Variants in PLEKHM2 observed in about 807,000 individuals in gnomAD.
The protein encoded by PLEKHM2 is pleckstrin homology domain-containing family M member 2.
A neutral mutation model predicts 116.3 loss-of-function variants in PLEKHM2; 77 were observed. The observed-to-expected ratio is 0.66, with a 90% confidence interval of 0.55 to 0.80. The LOEUF (loss-of-function observed/expected upper bound fraction) is 0.80. Ranked by LOEUF, PLEKHM2 falls within the 30% of genes least tolerant of loss-of-function variation. PLEKHM2 has a pLI of 0.00. For synonymous variants in PLEKHM2, 562 were observed against 571.0 expected (o/e 0.98, Z 0.22); for missense variants, 1,183 against 1,354.9 (o/e 0.87, Z 1.99).
chr1:15,698,566 T>TTTTTTTTC (rs1641049041), intron 1 of PLEKHM2, among the ~76,000 whole-genome samples: 1 of 135,552 alleles, frequency 7.4e-6, no homozygotes, highest in African/African-American at 2.9e-5. Context: ...TTTTTTTTTT[T>TTTTTTTTC]TGACATAGTC....
intron 8 of PLEKHM2, chr1:15,725,938 T>A (rs2068058825): frequency 4.9e-6 from 1 of 204,196 alleles, no homozygotes; most frequent in African/African-American, 2.3e-5. Flanking sequence ...GCTGATCCCA[T>A]TCCTGAGGAT....
intron 4 of PLEKHM2, among the ~76,000 whole-genome samples, 185 bp from the exon 5 acceptor site, chr1:15,718,353 A>G (rs1641487729): frequency 2.0e-5 from 3 of 152,250 alleles, no homozygotes; most frequent in South Asian, 4.1e-4. Context: ...AGGACAGTGC[A>G]GTGTGGCTGC....
rs865830787 is a variant in PLEKHM2, at chr1:15,727,971, T to C, written c.1761-108T>C. 27 of 1,191,946 alleles carry C rather than the reference T, an allele frequency of 2.3e-5. 1 individual carries two copies. In the South Asian group the frequency reaches 3.4e-4, roughly 15 times the overall value. The allele number at this position is 1,191,946 out of a possible 1,614,324, so 73.8% of individuals were successfully genotyped here. On this transcript the variant is annotated intron_variant, in intron 9 of 19. Coordinates refer to ENST00000375799, the MANE Select transcript of PLEKHM2 (RefSeq NM_015164.4). This position sits in a 1 kb window ranked among gnomAD's most constrained non-coding sequence, Gnocchi z 7.5. ...GGGTGTGAGCCTCCCTCCCTAACTTTGGCTCCTAGTGGGAGGCGGAGGCAC... is the reference window on the plus strand; with the variant it reads ...GGGTGTGAGCCTCCCTCCCTAACTTCGGCTCCTAGTGGGAGGCGGAGGCAC...
At chr1:15,718,735 T>C (rs1641499270) in intron 5 of PLEKHM2, 110 bp downstream of exon 5, 1 of 704,150 alleles carries the variant, frequency 1.4e-6, no homozygotes, top group Admixed American at 2.2e-5. Context: ...GCTTGTTGAG[T>C]ATGACTGGGC....
rs773582647 is a variant in PLEKHM2 at position 15,729,144 on chromosome 1, C to T, written c.2029C>T (p.Arg677Cys). 2.7e-5 allele frequency: 44 copies of T among 1,611,918 alleles called. No homozygotes were observed. The highest frequency in any genetic ancestry group is 1.9e-4 in the South Asian group (17 of 90,566). Residue 677 changes from arginine to cysteine, a missense_variant, in exon 13 of 20, where the codon CGC (arginine) becomes TGC (cysteine). Physicochemically the swap from Arg to Cys is radical, Grantham distance 180. Coordinates refer to ENST00000375799, the MANE Select transcript of PLEKHM2 (RefSeq NM_015164.4). This position sits in a 1 kb window ranked among gnomAD's most constrained non-coding sequence, Gnocchi z 4.7. Reference protein sequence around the residue: ...QQTVKLVCTNRRKQFLLDTAD... With the variant: ...QQTVKLVCTNCRKQFLLDTAD... The stretch of plus-strand genomic sequence containing the variant: ...GACGGTGAAGCTGGTGTGCACCAAC[C>T]GCAGGAAGCAGTTTCTGCTGGACAC...
Position 15,719,990 on chromosome 1 carries a change from G to A in PLEKHM2, c.652+70G>A. On this transcript the variant is annotated intron_variant, in intron 6 of 19. Transcript: ENST00000375799. This position sits in a 1 kb window ranked among gnomAD's most constrained non-coding sequence, Gnocchi z 4.1. ...AGACTTGAACTGCTTAAGCCTGGCT[G>A]GGTGATGTCTTCCTTGGCTAGTTTT... is the stretch of plus-strand genomic sequence containing the variant. 7.8e-7 allele frequency: 1 copy of A among 1,288,730 alleles called. No individual in the cohort carries two copies. Among genetic ancestry groups the A allele is most frequent in the Non-Finnish European group, 1.1e-6 (1 of 935,248 alleles). 79.8% of individuals were successfully genotyped at this position (1,288,730 alleles called of 1,614,324 possible).
chr1:15,687,015 T>C (rs1188352841), intron 1 of PLEKHM2, among the ~76,000 whole-genome samples: 1 of 152,092 alleles, frequency 6.6e-6, no homozygotes, highest in Non-Finnish European at 1.5e-5. Context: ...CTTGAACTCC[T>C]GACCTCAAGT....
Position 15,728,475 on chromosome 1 carries a change from G to T in PLEKHM2, c.1921+118G>T. ...GCTGCCTGGCATGCAGTGATGGAAA[G>T]GCACCCCAAGGAAGGTGTTGCCAGC... On this transcript the variant is annotated intron_variant, in intron 11 of 19. Transcript: ENST00000375799. The surrounding 1 kb of genome is among the most constrained non-coding windows in gnomAD (Gnocchi z 5.9). The T allele has an allele frequency of 1.9e-6, 2 of 1,042,906 alleles. No homozygotes were observed. The highest frequency in any genetic ancestry group is 1.5e-5 in the South Asian group (1 of 65,074). The allele number at this position is 1,042,906 out of a possible 1,614,324, so 64.6% of individuals were successfully genotyped here. A position where few individuals can be genotyped will look rare whatever the true frequency, so the allele number is the denominator to read the frequency against.
At position 15,719,366 on chromosome 1, in the gene PLEKHM2, C is replaced by T. The variant is rs867813424; in HGVS notation, c.466-368C>T. Among the ~76,000 whole-genome samples, 3 of 152,060 alleles carry T rather than the reference C, an allele frequency of 2.0e-5. No individual in the cohort carries two copies. Among genetic ancestry groups the T allele is most frequent in the African/African-American group, 7.2e-5 (3 of 41,478 alleles). The stretch of plus-strand genomic sequence containing the variant: ...ACTTGGGAGGCTGAGGCAGGAGAAT[C>T]GCTCGAACCCGGGAGGTGGAAGTTG... On this transcript the variant is annotated intron_variant, in intron 5 of 19. Coordinates refer to ENST00000375799, the MANE Select transcript of PLEKHM2 (RefSeq NM_015164.4). The surrounding 1 kb of genome is among the most constrained non-coding windows in gnomAD (Gnocchi z 4.1).
At chr1:15,702,007 A>G (rs1221430715) in intron 1 of PLEKHM2, among the ~76,000 whole-genome samples, 1 of 152,198 alleles carries the variant, frequency 6.6e-6, no homozygotes, top group Non-Finnish European at 1.5e-5. Flanking sequence ...TTGCAACCAC[A>G]TGGCCCTTCT....
At position 15,719,811 on chromosome 1, in the gene PLEKHM2, C is replaced by T. The variant is rs2067964942; in HGVS notation, c.543C>T (p.Arg181=). The part of the protein sequence containing the change: ...KPQYLLDFED[R]LPSSVHGSDS... ...AGTACCTGCTGGACTTTGAAGACCG[C>T]CTTCCCAGCTCGGTCCACGGCTCAG... Residue 181 remains arginine, a synonymous_variant, in exon 6 of 20, where the codon CGC becomes CGT. Transcript: ENST00000375799. The surrounding 1 kb of genome is among the most constrained non-coding windows in gnomAD (Gnocchi z 4.1). The T allele has an allele frequency of 1.2e-6, 2 of 1,613,790 alleles. No homozygotes were observed. The highest frequency in any genetic ancestry group is 8.5e-7 in the Non-Finnish European group (1 of 1,179,744).
intron 1 of PLEKHM2, among the ~76,000 whole-genome samples, chr1:15,710,039 G>A (rs1421244243): frequency 2.0e-5 from 3 of 151,682 alleles, no homozygotes; most frequent in Non-Finnish European, 2.9e-5. Context: ...CCTGGCTAAC[G>A]TGGTGAAACC....
chr1:15,710,381 G>A (rs1641308340), intron 1 of PLEKHM2, among the ~76,000 whole-genome samples: 1 of 151,922 alleles, frequency 6.6e-6, no homozygotes, highest in South Asian at 2.1e-4. Flanking sequence ...AGGTTGGAGT[G>A]CAGTGGCATG....
At chr1:15,688,234 C>G (rs531238581) in intron 1 of PLEKHM2, among the ~76,000 whole-genome samples, 2 of 152,300 alleles carry the variant, frequency 1.3e-5, no homozygotes, top group Non-Finnish European at 2.9e-5. Context: ...CATTATAACA[C>G]CAGACAGGTG....
chr1:15,702,473 T>G (rs2148342607), intron 1 of PLEKHM2, among the ~76,000 whole-genome samples: 1 of 152,082 alleles, frequency 6.6e-6, no homozygotes, highest in East Asian at 1.9e-4. Flanking sequence ...TGGAGTGCAG[T>G]GGCACAATCT....
chr1:15,731,868 C>T (rs944684208), intron 16 of PLEKHM2, 21 bp from the exon 17 acceptor site: 2 of 1,603,486 alleles, frequency 1.2e-6, no homozygotes, highest in Non-Finnish European at 1.7e-6. Flanking sequence ...GCTCCCGTTT[C>T]ACCCTCCTCC....
At chr1:15,710,938 G>T (rs1204073003) in intron 1 of PLEKHM2, among the ~76,000 whole-genome samples, 1 of 152,104 alleles carries the variant, frequency 6.6e-6, no homozygotes, top group Non-Finnish European at 1.5e-5. Context: ...ACTTTGGGAG[G>T]CCAAGGCAAG....
intron 16 of PLEKHM2, among the ~76,000 whole-genome samples, 198 bp from the exon 17 acceptor site, chr1:15,731,691 A>C (rs1171190840): frequency 6.6e-6 from 1 of 152,104 alleles, no homozygotes; most frequent in Non-Finnish European, 1.5e-5. Flanking sequence ...GGTGAAAGGC[A>C]TCGCACAGCA....
At chr1:15,723,397 A>G (rs2068020123) in intron 7 of PLEKHM2, 1 of 150,730 alleles carries the variant, frequency 6.6e-6, no homozygotes, top group South Asian at 2.1e-4. Context: ...TGGCAGAGCT[A>G]CTCATTGCCT....
Sources: allele counts gnomAD v4.1 joint callset (sites outside exome capture counted in the v4.1 genomes callset), GRCh38; gene constraint gnomAD v4.1.1; non-coding constraint Gnocchi (gnomAD v3.1); transcripts MANE v1.5; gene names NCBI Gene and HGNC (gene_info 2026-07-23, HGNC 2026-07-21).